TENM4: variants seen among roughly 807,000 people sequenced by gnomAD.
TENM4 encodes teneurin transmembrane protein 4, also known as teneurin-4.
In TENM4, 82 loss-of-function variants were observed where a neutral mutation model predicts 243.3. That is an observed-to-expected ratio of 0.34 (90% CI 0.28 to 0.40). The LOEUF is 0.40. TENM4 is among the 10% of genes least tolerant of loss of function. TENM4 has a pLI of 1.00. For missense variants in TENM4, 3,138 were observed against 3,673.3 expected (o/e 0.85, Z 3.77); for synonymous variants, 1,412 against 1,456.3 (o/e 0.97, Z 0.69).
intron 6 of TENM4, among the ~76,000 whole-genome samples, chr11:78,970,496 A>G (rs1857518802): frequency 6.6e-6 from 1 of 152,204 alleles, no homozygotes; most frequent in Admixed American, 6.5e-5. Context: ...TGGTCAATTA[A>G]TTACATGGCC....
intron 15 of TENM4, among the ~76,000 whole-genome samples, chr11:78,796,010 G>A (rs377311282): frequency 1.6e-4 from 24 of 152,174 alleles, no homozygotes; most frequent in Admixed American, 3.3e-4. Flanking sequence ...TCTGTTCCAC[G>A]GATCGAGATG....
chr11:79,136,477 A>C lies in TENM4; in HGVS notation c.-66+12233T>G, dbSNP rs183083956. ...GCAACATGTACTTACACTCACCAAG[A>C]GTGGCTACAGCCACTGCTGAGTGCC... On this transcript the variant is annotated intron_variant, in intron 4 of 33. Transcript: ENST00000278550. Among the ~76,000 whole-genome samples, 1,221 of 152,260 alleles carry C rather than the reference A, an allele frequency of 8.0e-3. 7 individuals are homozygous for C. Among genetic ancestry groups the C allele is most frequent in the Non-Finnish European group, 0.013 (875 of 68,018 alleles).
Position 78,669,704 on chromosome 11 carries a change from C to T in TENM4, c.6641G>A (p.Arg2214His), listed in dbSNP as rs767106649. The T allele has an allele frequency of 1.7e-5, 27 of 1,613,872 alleles. No homozygotes were observed. The highest frequency in any genetic ancestry group is 2.0e-5 in the Non-Finnish European group (24 of 1,179,906). Reference sequence around the variant, plus strand: ...GTTCCCATTGAGGTCGTAGCTGTAGCGCCAGAGTGGCTTGTCATTGATGGA... The same window carrying T: ...GTTCCCATTGAGGTCGTAGCTGTAGTGCCAGAGTGGCTTGTCATTGATGGA... Reference protein sequence around the residue: ...TVSINDKPLWRYSYDLNGNLH... With the variant: ...TVSINDKPLWHYSYDLNGNLH... Residue 2214 changes from arginine (R) to histidine (H), a missense_variant, in exon 32 of 34, where the codon CGC (arginine) becomes CAC (histidine). This residue lies in a region of TENM4 where 2,467 missense variants were observed against 3,059.1 expected (regional missense o/e 0.81). Coordinates refer to ENST00000278550, the MANE Select transcript of TENM4 (RefSeq NM_001098816.3). The surrounding 1 kb of genome is among the most constrained non-coding windows in gnomAD (Gnocchi z 6.4).
At chr11:79,073,876 T>C (rs937453587) in intron 4 of TENM4, among the ~76,000 whole-genome samples, 2 of 152,228 alleles carry the variant, frequency 1.3e-5, no homozygotes, top group Admixed American at 6.5e-5. Context: ...AAAGGCATAA[T>C]GTAGAAAGCT....
intron 9 of TENM4, among the ~76,000 whole-genome samples, chr11:78,883,381 T>G (rs977527158): frequency 6.6e-6 from 1 of 152,232 alleles, no homozygotes; most frequent in Non-Finnish European, 1.5e-5. Flanking sequence ...AGAGTGGCAG[T>G]GCTGAGATTT....
intron 2 of TENM4, among the ~76,000 whole-genome samples, chr11:79,255,392 A>T (rs1350870981): frequency 6.6e-6 from 1 of 152,226 alleles, no homozygotes; most frequent in African/African-American, 2.4e-5. Flanking sequence ...GCAAGCCTGC[A>T]GCCAGGTATC....
At chr11:79,306,726 C>T (rs1456285025) in intron 1 of TENM4, among the ~76,000 whole-genome samples, 1 of 152,128 alleles carries the variant, frequency 6.6e-6, no homozygotes, top group African/African-American at 2.4e-5. Flanking sequence ...ATATTATCAC[C>T]ATGCCCATTT....
At chr11:78,691,132 G>A (rs1858811544) in intron 28 of TENM4, among the ~76,000 whole-genome samples, 1 of 152,120 alleles carries the variant, frequency 6.6e-6, no homozygotes, top group Non-Finnish European at 1.5e-5. Context: ...GCACAGCTCT[G>A]TCCTAGAATG....
intron 1 of TENM4, among the ~76,000 whole-genome samples, chr11:79,346,394 C>T (rs1179489246): frequency 3.3e-5 from 5 of 152,080 alleles, no homozygotes; most frequent in Admixed American, 6.5e-5. Context: ...CAGACAGATG[C>T]TTATCATGCT....
intron 14 of TENM4, among the ~76,000 whole-genome samples, chr11:78,806,309 CA>C (rs1467067191): frequency 2.6e-5 from 4 of 151,986 alleles, no homozygotes; most frequent in Non-Finnish European, 5.9e-5. Context: ...AAAAAACAAA[CA>C]AACAAAACAA....
chr11:78,988,406 G>A (rs1279488484), intron 6 of TENM4, among the ~76,000 whole-genome samples: 2 of 152,220 alleles, frequency 1.3e-5, no homozygotes, highest in Non-Finnish European at 2.9e-5. Flanking sequence ...CAGAAACTGT[G>A]TAAAATAATA....
Position 78,670,234 on chromosome 11 carries a change from C to T in TENM4, c.6111G>A (p.Thr2037=), listed in dbSNP as rs376416432. The T allele has an allele frequency of 4.9e-5, 79 of 1,613,778 alleles. No homozygotes were observed. The highest frequency in any genetic ancestry group is 1.9e-4 in the South Asian group (17 of 91,044). The change falls in exon 32 of 34, where the codon ACG becomes ACA. Residue 2037 remains threonine, a synonymous_variant. Transcript: ENST00000278550. ...GGTTGATGGTCTTCAGCATGCCTGC[C>T]GTCTCGTCATAGGTGAAACTGACCT... is the stretch of plus-strand genomic sequence containing the variant. The part of the protein sequence containing the change: ...TTKVSFTYDE[T]AGMLKTINLQ...
At chr11:78,744,046 C>T (rs2135920070) in intron 19 of TENM4, among the ~76,000 whole-genome samples, 1 of 152,320 alleles carries the variant, frequency 6.6e-6, no homozygotes, top group South Asian at 2.1e-4. Context: ...AAACTGTTTT[C>T]TGCTAACTTC....
intron 6 of TENM4, among the ~76,000 whole-genome samples, chr11:78,938,735 G>T (rs1407472966): frequency 6.6e-6 from 1 of 152,136 alleles, no homozygotes; most frequent in Non-Finnish European, 1.5e-5. Flanking sequence ...CATCTGGTAG[G>T]CCAAAAGCTT....
At chr11:79,388,237 T>C (rs1288946602) in intron 1 of TENM4, among the ~76,000 whole-genome samples, 2 of 152,172 alleles carry the variant, frequency 1.3e-5, no homozygotes, top group Non-Finnish European at 2.9e-5. Flanking sequence ...CAGTGGGGAC[T>C]GCACTAAAAT....
intron 1 of TENM4, among the ~76,000 whole-genome samples, chr11:79,383,549 G>A (rs1483545275): frequency 6.6e-6 from 1 of 152,174 alleles, no homozygotes; most frequent in African/African-American, 2.4e-5. Flanking sequence ...AACTCAGTAA[G>A]GAGTAAACCT....
intron 27 of TENM4, among the ~76,000 whole-genome samples, chr11:78,703,414 C>T (rs2135772554): frequency 6.6e-6 from 1 of 152,296 alleles, no homozygotes; most frequent in African/African-American, 2.4e-5. Context: ...AGAACAGGTC[C>T]ACCTGGAAAG....
At chr11:78,711,091 T>G (rs1859386333) in intron 26 of TENM4, among the ~76,000 whole-genome samples, 2 of 152,174 alleles carry the variant, frequency 1.3e-5, no homozygotes, top group Non-Finnish European at 2.9e-5. Context: ...GACTTCTAAG[T>G]GCAAGCCTAG....
At chr11:79,173,080 T>C (rs1272318032) in intron 3 of TENM4, among the ~76,000 whole-genome samples, 1 of 152,226 alleles carries the variant, frequency 6.6e-6, no homozygotes, top group Non-Finnish European at 1.5e-5. Context: ...GTACCAAGAA[T>C]CAAAAACTAA....
Sources: gnomAD v4.1 joint callset for allele counts (sites outside exome capture counted in the v4.1 genomes callset) on GRCh38, gnomAD v4.1.1 for gene constraint, gnomAD v4.1.1 regional missense constraint, Gnocchi (gnomAD v3.1) non-coding constraint, MANE v1.5 for transcripts, NCBI Gene and HGNC (gene_info 2026-07-23, HGNC 2026-07-21) for gene names.